The following LEF1 variants were observed in gnomAD, a reference collection of about 807,000 sequenced individuals.
The protein encoded by LEF1 is lymphoid enhancer binding factor 1.
In LEF1, 14 loss-of-function variants were observed where a neutral mutation model predicts 51.2. That is an observed-to-expected ratio of 0.27 (90% CI 0.18 to 0.43). The LOEUF (loss-of-function observed/expected upper bound fraction) is 0.43. Among genes scored for constraint, LEF1 ranks in the 20% least tolerant of loss-of-function variants. The probability of loss-of-function intolerance (pLI) is 1.00; values close to 1 mark genes in which losing one functional copy is unlikely to be tolerated. For synonymous variants in LEF1, 185 were observed against 183.2 expected (o/e 1.01, Z -0.08); for missense variants, 386 against 512.0 (o/e 0.75, Z 2.37).
chr4:108,088,589 A>T (rs1739801370), intron 4 of LEF1, among the ~76,000 whole-genome samples: 1 of 152,244 alleles, frequency 6.6e-6, no homozygotes, highest in African/African-American at 2.4e-5. Context: ...GCAAATATTA[A>T]TGCAGAGGCG....
chr4:108,098,278 C>A (rs1486340660), intron 3 of LEF1, among the ~76,000 whole-genome samples: 1 of 152,062 alleles, frequency 6.6e-6, no homozygotes, highest in Admixed American at 6.6e-5. Flanking sequence ...CAGCAGGAAA[C>A]AATGAATGGT....
In LEF1 at chr4:108,163,185, G is replaced by A. The variant is rs1745167337; in HGVS notation, c.414+383C>T. On this transcript the variant is annotated intron_variant, in intron 3 of 11. Coordinates refer to ENST00000265165, the MANE Select transcript of LEF1 (RefSeq NM_016269.5). The stretch of plus-strand genomic sequence containing the variant: ...GCTCCAAATGAGCTAAAGTAGCTCT[G>A]ATTCTAGAAAGCTTGTGGGCATTAA... Among the ~76,000 whole-genome samples the A allele has an allele frequency of 1.3e-5, 2 of 152,162 alleles. 1 individual carries two copies. Among genetic ancestry groups the A allele is most frequent in the Non-Finnish European group, 2.9e-5 (2 of 68,034 alleles).
rs73839822 is a variant in LEF1 at position 108,091,999 on chromosome 4, T to C, written c.415-2742A>G. The stretch of plus-strand genomic sequence containing the variant: ...AAGAGTAAACACTGTGGAAATCTTC[T>C]GGATATATTCTTTCTTTCCAGAGCA... On this transcript the variant is annotated intron_variant, in intron 3 of 11. Transcript: ENST00000265165. Among the ~76,000 whole-genome samples, 846 of 152,342 alleles carry C rather than the reference T, an allele frequency of 5.6e-3. 12 individuals are homozygous for C. Among genetic ancestry groups the C allele is most frequent in the African/African-American group, 0.02 (816 of 41,574 alleles).
chr4:108,119,164 A>C (rs1171024492), intron 3 of LEF1, among the ~76,000 whole-genome samples: 1 of 148,622 alleles, frequency 6.7e-6, no homozygotes, highest in Non-Finnish European at 1.5e-5. Flanking sequence ...TAACTCCCAC[A>C]TACGAGATAA....
chr4:108,095,383 C>T (rs1261017620), intron 3 of LEF1, among the ~76,000 whole-genome samples: 1 of 152,174 alleles, frequency 6.6e-6, no homozygotes, highest in East Asian at 1.9e-4. Flanking sequence ...GATGAGAAGG[C>T]TGAGTCTTTT....
chr4:108,099,716 A>G (rs1740686735), intron 3 of LEF1, among the ~76,000 whole-genome samples: 1 of 150,034 alleles, frequency 6.7e-6, no homozygotes, highest in Non-Finnish European at 1.5e-5. Context: ...ATCAACCTAT[A>G]TCATCTACAT....
intron 3 of LEF1, among the ~76,000 whole-genome samples, chr4:108,117,103 C>A (rs1488471288): frequency 1.3e-5 from 2 of 152,126 alleles, no homozygotes; most frequent in Non-Finnish European, 2.9e-5. Flanking sequence ...GATTTTATTT[C>A]TTTTGTTTCT....
In LEF1 at chr4:108,083,785, TG is replaced by T. The variant is rs376903665; in HGVS notation, c.548-340del. ...ACAATTGTTTTATATAGAATGAGAA[TG>T]TTTTTTTGTAGAATGGAAAATGACA... On this transcript the variant is annotated intron_variant, in intron 4 of 11. Coordinates refer to ENST00000265165, the MANE Select transcript of LEF1 (RefSeq NM_016269.5). 1.4e-3 allele frequency among the ~76,000 whole-genome samples: 211 copies of T among 152,342 alleles called. 1 individual carries two copies. Among genetic ancestry groups the T allele is most frequent in the African/African-American group, 4.1e-3 (170 of 41,578 alleles).
chr4:108,086,469 A>G (rs1578324841), intron 4 of LEF1, among the ~76,000 whole-genome samples: 2 of 152,286 alleles, frequency 1.3e-5, no homozygotes, highest in South Asian at 4.1e-4. Flanking sequence ...AGCCTTTAAG[A>G]TTTTTAAACT....
At chr4:108,157,394 A>G (rs905288757) in intron 3 of LEF1, among the ~76,000 whole-genome samples, 1 of 152,064 alleles carries the variant, frequency 6.6e-6, no homozygotes, top group African/African-American at 2.4e-5. Context: ...GGGTTTCACC[A>G]TGTTGGTCAG....
In LEF1 at chr4:108,167,001, C is replaced by G. The variant is rs548664662; in HGVS notation, c.213+554G>C. On this transcript the variant is annotated intron_variant, in intron 1 of 11. Transcript: ENST00000265165. This position sits in a 1 kb window ranked among gnomAD's most constrained non-coding sequence, Gnocchi z 5.7. The stretch of plus-strand genomic sequence containing the variant: ...CCATCGGCCGGCCTGCTCCCCGCGG[C>G]CCGGCTCACCGGTGGTAGGGACGGC... 1.2e-4 allele frequency among the ~76,000 whole-genome samples: 18 copies of G among 152,228 alleles called. No homozygotes were observed. Among genetic ancestry groups the G allele is most frequent in the African/African-American group, 4.3e-4 (18 of 41,558 alleles).
chr4:108,083,562 C>T (rs1739454308), intron 4 of LEF1, 116 bp from the exon 5 acceptor site: 1 of 627,210 alleles, frequency 1.6e-6, no homozygotes, highest in Non-Finnish European at 2.7e-6. Flanking sequence ...AATATTTATT[C>T]ACCAGATCCA....
intron 3 of LEF1, among the ~76,000 whole-genome samples, chr4:108,121,528 T>C (rs1297382196): frequency 6.6e-6 from 1 of 152,196 alleles, no homozygotes; most frequent in East Asian, 1.9e-4. Context: ...CAATTACACC[T>C]CAGTATTTCG....
At position 108,086,963 on chromosome 4, in the gene LEF1, TAA is replaced by T. The variant is rs574042936; in HGVS notation, c.547+2160_547+2161del. Among the ~76,000 whole-genome samples the T allele has an allele frequency of 9.9e-5, 15 of 152,268 alleles. No individual in the cohort carries two copies. The South Asian group carries it at 3.1e-3, about 32-fold the overall frequency. ...TTTATGGAATAGTTCTATCTAGGGT[TAA>T]AGTGTGAATATGATGATCTTCGGTT... On this transcript the variant is annotated intron_variant, in intron 4 of 11. Transcript: ENST00000265165.
intron 11 of LEF1, among the ~76,000 whole-genome samples, chr4:108,053,017 C>T (rs750191991): frequency 6.6e-6 from 1 of 152,324 alleles, no homozygotes; most frequent in East Asian, 1.9e-4. Context: ...GAACTCTCAA[C>T]ATGTGTTCTC....
intron 11 of LEF1, among the ~76,000 whole-genome samples, chr4:108,062,867 C>T (rs1383639304): frequency 1.3e-5 from 2 of 152,184 alleles, no homozygotes; most frequent in East Asian, 3.9e-4. Flanking sequence ...CCTTTGAGAA[C>T]TGTTACCAGG....
chr4:108,074,239 C>G (rs531752844), intron 8 of LEF1, among the ~76,000 whole-genome samples: 1 of 152,294 alleles, frequency 6.6e-6, no homozygotes, highest in South Asian at 2.1e-4. Context: ...TCTCTATTTA[C>G]TGCAAAATAA....
intron 3 of LEF1, among the ~76,000 whole-genome samples, chr4:108,159,099 T>C (rs1178981264): frequency 1.3e-5 from 2 of 152,118 alleles, no homozygotes. Context: ...GTAAATGCAA[T>C]ATTAGCTCTG....
intron 3 of LEF1, among the ~76,000 whole-genome samples, chr4:108,121,631 A>T (rs186052707): frequency 9.2e-5 from 14 of 152,084 alleles, no homozygotes; most frequent in Admixed American, 9.2e-4. Context: ...ATCTTAAAAA[A>T]CTCACACCTA....
Sources: gnomAD v4.1 joint callset for allele counts (sites outside exome capture counted in the v4.1 genomes callset) on GRCh38, gnomAD v4.1.1 for gene constraint, Gnocchi (gnomAD v3.1) non-coding constraint, MANE v1.5 for transcripts, NCBI Gene and HGNC (gene_info 2026-07-23, HGNC 2026-07-21) for gene names.